REN: variants seen among roughly 807,000 people sequenced by gnomAD.
REN encodes the protein angiotensin-forming enzyme.
REN carries 42 observed loss-of-function variants against 48.6 expected under a neutral mutation model. That is an observed-to-expected ratio of 0.86 (90% CI 0.68 to 1.12). REN has a LOEUF of 1.12. REN is among the 50% of genes most tolerant of loss of function. The pLI is 0.00. For synonymous variants in REN, 196 were observed against 204.6 expected, an observed-to-expected ratio of 0.96 and a Z score of 0.36; for missense variants, 443 against 527.3, an observed-to-expected ratio of 0.84 and a Z score of 1.57.
At chr1:204,160,230 T>A (rs1383727696) in intron 4 of REN, among the ~76,000 whole-genome samples, 4 of 152,214 alleles carry the variant, frequency 2.6e-5, no homozygotes, top group Non-Finnish European at 5.9e-5. Flanking sequence ...GACCCTGGAT[T>A]TCAGTCTAGG....
intron 5 of REN, among the ~76,000 whole-genome samples, chr1:204,158,385 C>T (rs1386713172): frequency 3.3e-5 from 5 of 150,500 alleles, no homozygotes; most frequent in African/African-American, 1.2e-4. Context: ...CTTTTTGCCA[C>T]TGGCCTCATG....
rs374481579 is a variant in REN at position 204,162,037 on chromosome 1, G to A, written c.225C>T (p.Ser75=). Residue 75 remains serine, a synonymous_variant, in exon 2 of 10, where the codon TCC becomes TCT. Transcript: ENST00000272190. ...CGTCCATGTAGTTGGTGAGGATCAC[G>A]GAGGAGGTGGTGTTGCCAAGTGTCA... is the stretch of plus-strand genomic sequence containing the variant. ...KRLTLGNTTS[S]VILTNYMDTQ... 48 of 1,614,066 alleles carry A rather than the reference G, an allele frequency of 3.0e-5. No individual in the cohort carries two copies. The highest frequency in any genetic ancestry group is 3.6e-5 in the Non-Finnish European group (43 of 1,180,046).
Position 204,162,228 on chromosome 1 carries a change from C to T in REN, c.99-65G>A, listed in dbSNP as rs1414427691. On this transcript the variant is annotated intron_variant, in intron 1 of 9. Transcript: ENST00000272190. ...TACCTCCACCACAGTGGTGGAGTCC[C>T]TGAGGCCAAACCCCTGCTTTTAGTA... 4.4e-6 allele frequency: 7 copies of T among 1,580,592 alleles called. No individual in the cohort carries two copies. In the Admixed American group the frequency reaches 8.6e-5, roughly 19 times the overall value.
chr1:204,164,888 T>C (rs1429789433), intron 1 of REN, among the ~76,000 whole-genome samples: 3 of 151,950 alleles, frequency 2.0e-5, no homozygotes, highest in Non-Finnish European at 4.4e-5. Flanking sequence ...TCTTAATGAA[T>C]CACTTGTTCC....
At chr1:204,163,429 G>C (rs1012172053) in intron 1 of REN, among the ~76,000 whole-genome samples, 3 of 152,316 alleles carry the variant, frequency 2.0e-5, no homozygotes, top group Admixed American at 2.0e-4. Flanking sequence ...TCATAAGGTG[G>C]ATGATTTTAT....
At chr1:204,159,360 C>G in intron 5 of REN, 39 bp downstream of exon 5, 1 of 1,586,342 alleles carries the variant, frequency 6.3e-7, no homozygotes, top group Non-Finnish European at 8.7e-7. Context: ...TTCTCCCCTC[C>G]TGTCCCCCCA....
chr1:204,156,609 C>A lies in REN; in HGVS notation c.818+68G>T. 2.7e-6 allele frequency: 4 copies of A among 1,509,118 alleles called. No homozygotes were observed. The highest frequency in any genetic ancestry group is 1.7e-5 in the Admixed American group (1 of 59,588). The allele number at this position is 1,509,118 out of a possible 1,614,324, so 93.5% of individuals were successfully genotyped here. The stretch of plus-strand genomic sequence containing the variant: ...AGGGCAGGATGGTAATGCAGTCCTT[C>A]CCCACCCTCCCCAACCCCAGTGACG... On this transcript the variant is annotated intron_variant, in intron 7 of 9. Coordinates refer to ENST00000272190, the MANE Select transcript of REN (RefSeq NM_000537.4). The surrounding 1 kb of genome is among the most constrained non-coding windows in gnomAD (Gnocchi z 4.2).
At chr1:204,163,082 A>G (rs1658278387) in intron 1 of REN, among the ~76,000 whole-genome samples, 1 of 152,188 alleles carries the variant, frequency 6.6e-6, no homozygotes, top group Non-Finnish European at 1.5e-5. Context: ...CCCGACATAA[A>G]GGCTGCCAAA....
chr1:204,164,695 C>A (rs185515286), intron 1 of REN, among the ~76,000 whole-genome samples: 7 of 151,540 alleles, frequency 4.6e-5, no homozygotes, highest in African/African-American at 1.7e-4. Flanking sequence ...CTCAGCCTCC[C>A]GAGTAGCTGG....
chr1:204,164,381 T>A (rs961174232), intron 1 of REN, among the ~76,000 whole-genome samples: 1 of 152,142 alleles, frequency 6.6e-6, no homozygotes, highest in African/African-American at 2.4e-5. Flanking sequence ...GGGCATGACT[T>A]GAGATGAGAC....
At position 204,161,932 on chromosome 1, in the gene REN, TGA is replaced by T. The variant is rs11571081; in HGVS notation, c.249+79_249+80del. The T allele has an allele frequency of 0.073, 113,519 of 1,554,760 alleles. 4,548 individuals are homozygous for T. Among genetic ancestry groups the T allele is most frequent in the Middle Eastern group, 0.11 (550 of 5,188 alleles). On this transcript the variant is annotated intron_variant, in intron 2 of 9. Transcript: ENST00000272190. ...TTCGTCAAACACAGCTTGGAAAGGG[TGA>T]GTCTTGCAGCAAAGAAAGCCCTAGG...
chr1:204,157,315 G>GGGA, intron 6 of REN, 46 bp downstream of exon 6: 1 of 1,613,718 alleles, frequency 6.2e-7, no homozygotes, highest in Non-Finnish European at 8.5e-7. Flanking sequence ...CAGGTGCTCG[G>GGGA]GGAGTACTGG....
chr1:204,159,983 T>A (rs1370385810), intron 4 of REN, among the ~76,000 whole-genome samples: 2 of 152,152 alleles, frequency 1.3e-5, no homozygotes, highest in Non-Finnish European at 2.9e-5. Context: ...TCTCCCTCCT[T>A]TATATCTGAG....
Position 204,156,647 on chromosome 1 carries a change from G to C in REN, c.818+30C>G. The C allele has an allele frequency of 1.6e-6, 2 of 1,272,550 alleles. No individual in the cohort carries two copies. Among genetic ancestry groups the C allele is most frequent in the South Asian group, 2.3e-5 (2 of 85,318 alleles). The allele number at this position is 1,272,550 out of a possible 1,614,324, so 78.8% of individuals were successfully genotyped here. A position where few individuals can be genotyped will look rare whatever the true frequency, so the allele number is the denominator to read the frequency against. ...AACCCCAGTGACGGCAGCATTTTTT[G>C]GAGCCCGGGGAGGGTTGAGGATTTC... On this transcript the variant is annotated intron_variant, in intron 7 of 9. Coordinates refer to ENST00000272190, the MANE Select transcript of REN (RefSeq NM_000537.4). This position sits in a 1 kb window ranked among gnomAD's most constrained non-coding sequence, Gnocchi z 4.2.
intron 9 of REN, among the ~76,000 whole-genome samples, chr1:204,155,477 T>G (rs1464114040): frequency 6.6e-6 from 1 of 152,210 alleles, no homozygotes; most frequent in Non-Finnish European, 1.5e-5. Flanking sequence ...TCTCTAAGCC[T>G]ATTGATTATG....
At position 204,155,028 on chromosome 1, in the gene REN, G is replaced by A; in HGVS notation, c.1209C>T (p.Ala403=). ...FDRRNNRIGF[A]LAR ...GTGGCAGAGGGCCTCAGCGGGCCAA[G>A]GCGAAGCCAATGCGGTTGTTACGCC... Residue 403 remains alanine (A), a synonymous_variant, in exon 10 of 10, where the codon GCC becomes GCT. Coordinates refer to ENST00000272190, the MANE Select transcript of REN (RefSeq NM_000537.4). 1 of 1,614,054 alleles carries A rather than the reference G, an allele frequency of 6.2e-7. No individual in the cohort carries two copies.
Position 204,162,274 on chromosome 1 carries a change from C to T in REN, c.99-111G>A, listed in dbSNP as rs530112199. 58 of 1,184,832 alleles carry T rather than the reference C, an allele frequency of 4.9e-5. No homozygotes were observed. In the South Asian group the frequency reaches 5.1e-4, roughly 10 times the overall value. The allele number at this position is 1,184,832 out of a possible 1,614,324, so 73.4% of individuals were successfully genotyped here. Reference sequence around the variant, plus strand: ...TAGTACAACCACCTTTAACGTTAGCCCAGCCACCTGGAAATCACCTCTGTC... The same window carrying T: ...TAGTACAACCACCTTTAACGTTAGCTCAGCCACCTGGAAATCACCTCTGTC... On this transcript the variant is annotated intron_variant, in intron 1 of 9. Coordinates refer to ENST00000272190, the MANE Select transcript of REN (RefSeq NM_000537.4).
chr1:204,157,352 T>C lies in REN; in HGVS notation c.698+9A>G. On this transcript the variant is annotated intron_variant, in intron 6 of 9. Coordinates refer to ENST00000272190, the MANE Select transcript of REN (RefSeq NM_000537.4). ...AGGTCACAGCCATGTGGGGGTTTTGTCTCCTTACTCGGAATCTCTGCAGAG... is the reference window on the plus strand; with the variant it reads ...AGGTCACAGCCATGTGGGGGTTTTGCCTCCTTACTCGGAATCTCTGCAGAG... 1 of 1,614,218 alleles carries C rather than the reference T, an allele frequency of 6.2e-7. No homozygotes were observed. The highest frequency in any genetic ancestry group is 8.5e-7 in the Non-Finnish European group (1 of 1,180,038).
intron 2 of REN, 72 bp from the exon 3 acceptor site, chr1:204,161,487 T>C: frequency 5.2e-6 from 7 of 1,341,856 alleles, no homozygotes; most frequent in Middle Eastern, 2.0e-4. Flanking sequence ...CTGGCTTCAC[T>C]CTTGGCTCTC....
Sources: gnomAD v4.1 joint callset for allele counts (sites outside exome capture counted in the v4.1 genomes callset) on GRCh38, gnomAD v4.1.1 for gene constraint, Gnocchi (gnomAD v3.1) non-coding constraint, MANE v1.5 for transcripts, NCBI Gene and HGNC (gene_info 2026-07-23, HGNC 2026-07-21) for gene names.